Variants in WDR49 observed in about 807,000 individuals in gnomAD.
WDR49 encodes cilia- and flagella-associated protein 337.
WDR49 carries 107 observed loss-of-function variants against 119.5 expected under a neutral mutation model. The ratio of observed to expected loss-of-function variants is 0.90; its 90% CI spans 0.77 to 1.05. The LOEUF (loss-of-function observed/expected upper bound fraction) is 1.05. WDR49 is among the 50% of genes least tolerant of loss of function. The pLI, the probability that WDR49 is intolerant of heterozygous loss-of-function variation, is 0.00. For synonymous variants in WDR49, 425 were observed against 418.8 expected (o/e 1.01, Z -0.18); for missense variants, 1,240 against 1,220.5 (o/e 1.02, Z -0.24).
Position 167,505,298 on chromosome 3 carries a change from A to T in WDR49, c.2884+9T>A, listed in dbSNP as rs1751721752. ...TTATAAAAATACATTAACAACAGTG[A>T]CTACTTACTGAATGATTTTTTTATA... On this transcript the variant is annotated intron_variant, in intron 17 of 18. Coordinates refer to ENST00000682715, the MANE Select transcript of WDR49 (RefSeq NM_001366157.1). 1 of 1,487,874 alleles carries T rather than the reference A, an allele frequency of 6.7e-7. No homozygotes were observed. Among genetic ancestry groups the T allele is most frequent in the Non-Finnish European group, 8.9e-7 (1 of 1,125,824 alleles). 92.2% of individuals were successfully genotyped at this position (1,487,874 alleles called of 1,614,324 possible). A position where few individuals can be genotyped will look rare whatever the true frequency, so the allele number is the denominator to read the frequency against.
intron 8 of WDR49, among the ~76,000 whole-genome samples, chr3:167,567,587 T>G (rs1713681836): frequency 6.6e-6 from 1 of 152,214 alleles, no homozygotes; most frequent in Non-Finnish European, 1.5e-5. Context: ...CAGGCTTTCA[T>G]GACGTTCTCT....
intron 17 of WDR49, among the ~76,000 whole-genome samples, chr3:167,501,159 GTTGATGC>G (rs1751550183): frequency 6.6e-6 from 1 of 152,160 alleles, no homozygotes; most frequent in South Asian, 2.1e-4. Context: ...ATAAGTTCTA[GTTGATGC>G]TTACGGTGCT....
In WDR49 at chr3:167,559,764, G is replaced by A. The variant is rs797002546; in HGVS notation, c.1674+300C>T. Among the ~76,000 whole-genome samples the A allele has an allele frequency of 1.1e-4, 17 of 152,256 alleles. 1 individual carries two copies. Among genetic ancestry groups the A allele is most frequent in the Admixed American group, 4.6e-4 (7 of 15,298 alleles). On this transcript the variant is annotated intron_variant, in intron 9 of 18. Coordinates refer to ENST00000682715, the MANE Select transcript of WDR49 (RefSeq NM_001366157.1). ...AAGCACATGAAATTATCGAGGCATC[G>A]TATTCCCCAAAGTAGTCCCTATTGA... is the stretch of plus-strand genomic sequence containing the variant.
chr3:167,550,835 C>G (rs1318479945), intron 10 of WDR49, among the ~76,000 whole-genome samples: 13 of 146,972 alleles, frequency 8.8e-5, no homozygotes, highest in Non-Finnish European at 1.6e-4. Context: ...ATTTTGGAGG[C>G]AGGATAAAAT....
At chr3:167,586,306 C>T (rs1438050011) in intron 7 of WDR49, among the ~76,000 whole-genome samples, 1 of 152,154 alleles carries the variant, frequency 6.6e-6, no homozygotes, top group East Asian at 1.9e-4. Flanking sequence ...ATGGTGGTTC[C>T]TCTCCAAATG....
intron 3 of WDR49, among the ~76,000 whole-genome samples, chr3:167,625,243 C>T (rs1305665230): frequency 6.6e-6 from 1 of 152,128 alleles, no homozygotes; most frequent in East Asian, 1.9e-4. Context: ...AACAAAGAAG[C>T]TTTCAAGCAC....
At chr3:167,604,874 C>G (rs1197901963) in intron 5 of WDR49, among the ~76,000 whole-genome samples, 1 of 152,154 alleles carries the variant, frequency 6.6e-6, no homozygotes. Context: ...GACAGCAAAT[C>G]TGATGGTGCC....
chr3:167,478,772 C>A lies in WDR49; in HGVS notation c.*106G>T. The A allele has an allele frequency of 2.7e-6, 2 of 731,364 alleles. No individual in the cohort carries two copies. The highest frequency in any genetic ancestry group is 4.3e-6 in the Non-Finnish European group (2 of 468,782). The allele number at this position is 731,364 out of a possible 1,614,324, so 45.3% of individuals were successfully genotyped here. ...ACTAAATTATCCCATGAAGAGAAAA[C>A]TTCCTGAAGTTTAAATATAAAATAA... On this transcript the variant is annotated 3_prime_UTR_variant, in exon 19 of 19. Transcript: ENST00000682715.
intron 5 of WDR49, among the ~76,000 whole-genome samples, chr3:167,615,459 A>G (rs532311572): frequency 1.3e-3 from 202 of 151,308 alleles, no homozygotes; most frequent in South Asian, 3.3e-3. Flanking sequence ...AAAAAAAAAA[A>G]AAAGAAAGAA....
chr3:167,636,156 A>G (rs1166864122), intron 2 of WDR49, among the ~76,000 whole-genome samples: 2 of 151,480 alleles, frequency 1.3e-5, no homozygotes, highest in Non-Finnish European at 3.0e-5. Context: ...TCATTGTATC[A>G]TTCTTACGCC....
intron 15 of WDR49, among the ~76,000 whole-genome samples, chr3:167,526,588 C>G (rs893306416): frequency 3.9e-5 from 6 of 152,076 alleles, no homozygotes; most frequent in Non-Finnish European, 8.8e-5. Flanking sequence ...GCTTTTTTTC[C>G]TGACTGAGAA....
chr3:167,575,158 C>T, intron 8 of WDR49: 3 of 985,300 alleles, frequency 3.0e-6, no homozygotes, highest in Non-Finnish European at 3.6e-6. Flanking sequence ...GTGCTGTTAC[C>T]ATCAGGCCTG....
intron 7 of WDR49, among the ~76,000 whole-genome samples, chr3:167,594,227 G>A (rs892477680): frequency 2.6e-5 from 4 of 152,170 alleles, no homozygotes; most frequent in African/African-American, 9.7e-5. Flanking sequence ...TAAGAAGACA[G>A]GAGAATGTGG....
chr3:167,529,886 G>T (rs1390488058), intron 13 of WDR49, among the ~76,000 whole-genome samples: 1 of 152,000 alleles, frequency 6.6e-6, no homozygotes, highest in Non-Finnish European at 1.5e-5. Flanking sequence ...TTGTGGCAAG[G>T]TTCCTATTAT....
chr3:167,550,581 G>A (rs1243459435), intron 10 of WDR49, among the ~76,000 whole-genome samples: 1 of 151,840 alleles, frequency 6.6e-6, no homozygotes, highest in Non-Finnish European at 1.5e-5. Context: ...ATACGGTGAT[G>A]GATATGTTAA....
chr3:167,623,450 T>G (rs935245186), intron 3 of WDR49, among the ~76,000 whole-genome samples: 13 of 152,046 alleles, frequency 8.6e-5, no homozygotes, highest in Admixed American at 2.0e-4. Flanking sequence ...TATGGTAATC[T>G]TAGTAGATGC....
intron 16 of WDR49, among the ~76,000 whole-genome samples, chr3:167,510,936 C>A (rs1190228218): frequency 6.8e-6 from 1 of 147,452 alleles, no homozygotes; most frequent in Non-Finnish European, 1.5e-5. Context: ...TTTTATTTTT[C>A]TTTCATATTT....
intron 2 of WDR49, among the ~76,000 whole-genome samples, chr3:167,629,952 C>T (rs1222731472): frequency 6.6e-6 from 1 of 152,044 alleles, no homozygotes; most frequent in Non-Finnish European, 1.5e-5. Flanking sequence ...GGAATCTATT[C>T]CCGTTGAAGA....
chr3:167,496,033 T>G (rs1352457308), intron 18 of WDR49, among the ~76,000 whole-genome samples: 2 of 152,068 alleles, frequency 1.3e-5, no homozygotes, highest in Non-Finnish European at 2.9e-5. Context: ...AGGCCCATAT[T>G]TTAAGAAATT....
Sources: gnomAD v4.1 joint callset for allele counts (sites outside exome capture counted in the v4.1 genomes callset) on GRCh38, gnomAD v4.1.1 for gene constraint, MANE v1.5 for transcripts, NCBI Gene and HGNC (gene_info 2026-07-23, HGNC 2026-07-21) for gene names.